Variants in PPFIBP1 observed in about 807,000 individuals in gnomAD.
The protein encoded by PPFIBP1 is liprin-beta-1.
Under a neutral mutation model 137.8 loss-of-function variants are expected in PPFIBP1, and 112 were observed. The ratio of observed to expected loss-of-function variants is 0.81; its 90% CI spans 0.70 to 0.95. The LOEUF (loss-of-function observed/expected upper bound fraction) is 0.95, where lower values mean the gene tolerates loss of function less well. PPFIBP1 is among the 40% of genes least tolerant of loss of function. The probability of loss-of-function intolerance (pLI) is 0.00; values close to 1 mark genes in which losing one functional copy is unlikely to be tolerated. For missense variants in PPFIBP1, 1,083 were observed against 1,196.6 expected, an observed-to-expected ratio of 0.91 and a Z score of 1.40; for synonymous variants, 378 against 417.3, an observed-to-expected ratio of 0.91 and a Z score of 1.15.
intron 20 of PPFIBP1, 140 bp from the exon 21 acceptor site, chr12:27,679,789 CTTAG>C (rs2060773228): frequency 2.2e-6 from 3 of 1,356,866 alleles, no homozygotes; most frequent in Admixed American, 2.3e-5. Flanking sequence ...CTCATTGGGT[CTTAG>C]TTAAAGTTTA....
intron 1 of PPFIBP1, among the ~76,000 whole-genome samples, chr12:27,569,307 G>T (rs773868804): frequency 2.6e-5 from 4 of 152,144 alleles, no homozygotes; most frequent in Non-Finnish European, 5.9e-5. Context: ...TTATTGCACT[G>T]ATATATTAAA....
chr12:27,674,544 C>T (rs1322259862), intron 17 of PPFIBP1, among the ~76,000 whole-genome samples: 12 of 152,080 alleles, frequency 7.9e-5, no homozygotes, highest in Non-Finnish European at 1.3e-4. Flanking sequence ...TGCACAACAT[C>T]GTAACATACT....
At chr12:27,668,465 A>G (rs976128102) in intron 13 of PPFIBP1, among the ~76,000 whole-genome samples, 6 of 152,204 alleles carry the variant, frequency 3.9e-5, no homozygotes, top group Non-Finnish European at 7.3e-5. Context: ...CATGTTGCCA[A>G]TCCTCTGGGC....
chr12:27,688,144 T>G (rs557151348), intron 25 of PPFIBP1, 154 bp from the exon 26 acceptor site: 1 of 906,314 alleles, frequency 1.1e-6, no homozygotes, highest in African/African-American at 1.7e-5. Flanking sequence ...TAAGAAAGCT[T>G]GAAACTCAAA....
intron 12 of PPFIBP1, among the ~76,000 whole-genome samples, chr12:27,665,681 A>G (rs543109156): frequency 6.6e-6 from 1 of 152,230 alleles, no homozygotes; most frequent in Non-Finnish European, 1.5e-5. Context: ...TTTGCTCGCA[A>G]CGTAAGCACT....
In PPFIBP1 at chr12:27,557,008, G is replaced by A. The variant is rs531104073; in HGVS notation, c.-123-21144G>A. On this transcript the variant is annotated intron_variant, in intron 1 of 29. Transcript: ENST00000228425. ...TAGGTCTTACTGATATGTCTAAGTG[G>A]CTTGGATTTTGTTTAATTTCAAAAT... Among the ~76,000 whole-genome samples the A allele has an allele frequency of 8.2e-4, 124 of 151,990 alleles. 1 individual carries two copies. Among genetic ancestry groups the A allele is most frequent in the Middle Eastern group, 6.8e-3 (2 of 292 alleles).
Position 27,679,649 on chromosome 12 carries a change from G to A in PPFIBP1, c.1766+10G>A, listed in dbSNP as rs79678452. On this transcript the variant is annotated intron_variant, in intron 20 of 29. Coordinates refer to ENST00000228425, the MANE Select transcript of PPFIBP1 (RefSeq NM_003622.4). Reference sequence around the variant, plus strand: ...TGAAACTCTTTGGAAAGTAAGTAAAGCAGTAAACAAGTGGAATGGGCCCTG... The same window carrying A: ...TGAAACTCTTTGGAAAGTAAGTAAAACAGTAAACAAGTGGAATGGGCCCTG... 12,435 of 1,612,988 alleles carry A rather than the reference G, an allele frequency of 7.7e-3. 61 individuals are homozygous for A. Among genetic ancestry groups the A allele is most frequent in the Non-Finnish European group, 9.8e-3 (11,577 of 1,179,226 alleles).
intron 6 of PPFIBP1, among the ~76,000 whole-genome samples, chr12:27,648,637 G>A (rs531675160): frequency 6.6e-6 from 1 of 152,186 alleles, no homozygotes; most frequent in South Asian, 2.1e-4. Flanking sequence ...AGAAAATGTG[G>A]TACTTATACA....
chr12:27,537,239 C>T (rs938328110), intron 1 of PPFIBP1, among the ~76,000 whole-genome samples: 1 of 152,112 alleles, frequency 6.6e-6, no homozygotes, highest in Non-Finnish European at 1.5e-5. Context: ...TCAAGTGATT[C>T]TCCTGCCTCA....
intron 1 of PPFIBP1, among the ~76,000 whole-genome samples, chr12:27,568,283 T>G: frequency 6.6e-6 from 1 of 152,160 alleles, no homozygotes. Flanking sequence ...TGTTTTCTGG[T>G]TCATTAGGGA....
At chr12:27,688,769 G>C (rs1188872025) in intron 26 of PPFIBP1, among the ~76,000 whole-genome samples, 1 of 152,202 alleles carries the variant, frequency 6.6e-6, no homozygotes, top group Admixed American at 6.5e-5. Context: ...TAGAGAGGCA[G>C]AGCACTGATA....
At position 27,647,813 on chromosome 12, in the gene PPFIBP1, G is replaced by T. The variant is rs2194816; in HGVS notation, c.442G>T (p.Val148Leu). ...TTGTCTTGAAGAGCACAGAGAGAAGGTGAATGCCACAGAAGAAATGCTGCA... is the reference window on the plus strand; with the variant it reads ...TTGTCTTGAAGAGCACAGAGAGAAGTTGAATGCCACAGAAGAAATGCTGCA... ...EFCLEEHREK[V>L]NATEEMLQQE... The change falls in exon 6 of 30, where the codon GTG becomes TTG. Residue 148 changes from valine to leucine, a missense_variant. Coordinates refer to ENST00000228425, the MANE Select transcript of PPFIBP1 (RefSeq NM_003622.4). 1 allele frequency: 1,608,533 copies of T among 1,612,572 alleles called. 802,263 individuals are homozygous for T. Among genetic ancestry groups the T allele is most frequent in the East Asian group, 1 (44,724 of 44,770 alleles).
chr12:27,577,451 G>A (rs961256890), intron 1 of PPFIBP1, among the ~76,000 whole-genome samples: 3 of 152,108 alleles, frequency 2.0e-5, no homozygotes, highest in African/African-American at 7.2e-5. Context: ...TATTTAACTT[G>A]GAGACACCTT....
chr12:27,633,900 C>T (rs1208929979), intron 3 of PPFIBP1, among the ~76,000 whole-genome samples: 3 of 137,156 alleles, frequency 2.2e-5, no homozygotes, highest in Non-Finnish European at 4.6e-5. Flanking sequence ...TGCAGTGGTA[C>T]AATCTCAGCT....
rs373350129 is a variant in PPFIBP1 at position 27,692,691 on chromosome 12, A to G, written c.2931+35A>G. 3.7e-6 allele frequency: 6 copies of G among 1,613,924 alleles called. No individual in the cohort carries two copies. The African/African-American group carries it at 5.3e-5, about 14-fold the overall frequency. ...TGAAATGAATTGAAAATGTTATTCTATAAATGTCTTTTATAACAACCCCAA... is the reference window on the plus strand; with the variant it reads ...TGAAATGAATTGAAAATGTTATTCTGTAAATGTCTTTTATAACAACCCCAA... On this transcript the variant is annotated intron_variant, in intron 29 of 29. Coordinates refer to ENST00000228425, the MANE Select transcript of PPFIBP1 (RefSeq NM_003622.4).
Position 27,692,972 on chromosome 12 carries a change from T to A in PPFIBP1, c.*90T>A, listed in dbSNP as rs1430201592. 3 of 1,524,392 alleles carry A rather than the reference T, an allele frequency of 2.0e-6. No individual in the cohort carries two copies. The East Asian group carries it at 7.1e-5, about 36-fold the overall frequency. The allele number at this position is 1,524,392 out of a possible 1,614,324, so 94.4% of individuals were successfully genotyped here. On this transcript the variant is annotated 3_prime_UTR_variant, in exon 30 of 30. Transcript: ENST00000228425. ...ACAGTATATACAACAGGCAGCGGAT[T>A]GTCTATTGTTTGTTGTTCCAACTTC...
chr12:27,679,957 A>G lies in PPFIBP1; in HGVS notation c.1791A>G (p.Thr597=). 4 of 1,614,130 alleles carry G rather than the reference A, an allele frequency of 2.5e-6. No homozygotes were observed. The highest frequency in any genetic ancestry group is 3.4e-6 in the Non-Finnish European group (4 of 1,179,992). ...FGKLRRSQST[T]FNPDDMSEPE... ...GACTTAGGAGAAGTCAATCAACTACATTCAACCCAGATGACATGTCTGAGC... is the reference window on the plus strand; with the variant it reads ...GACTTAGGAGAAGTCAATCAACTACGTTCAACCCAGATGACATGTCTGAGC... Residue 597 remains threonine, a synonymous_variant, in exon 21 of 30, where the codon ACA becomes ACG. Transcript: ENST00000228425.
chr12:27,534,308 A>C (rs561337969), intron 1 of PPFIBP1, among the ~76,000 whole-genome samples: 3 of 152,192 alleles, frequency 2.0e-5, no homozygotes, highest in African/African-American at 7.2e-5. Context: ...AGATGTGATC[A>C]GAAGGGATAC....
At chr12:27,544,173 T>C (rs1221657205) in intron 1 of PPFIBP1, among the ~76,000 whole-genome samples, 1 of 152,174 alleles carries the variant, frequency 6.6e-6, no homozygotes, top group Non-Finnish European at 1.5e-5. Context: ...TGAGCCATCA[T>C]GTCCCCCCTG....
Sources: allele counts gnomAD v4.1 joint callset (sites outside exome capture counted in the v4.1 genomes callset), GRCh38; gene constraint gnomAD v4.1.1; transcripts MANE v1.5; gene names NCBI Gene and HGNC (gene_info 2026-07-23, HGNC 2026-07-21).